The following PARD3 variants were observed in gnomAD, a reference collection of about 807,000 sequenced individuals.
PARD3 encodes par-3 family cell polarity regulator, also known as partitioning defective 3 homolog.
In PARD3, 75 loss-of-function variants were observed where a neutral mutation model predicts 155.4. That is an observed-to-expected ratio of 0.48 (90% CI 0.40 to 0.58). The LOEUF (loss-of-function observed/expected upper bound fraction) is 0.58, where lower values mean the gene tolerates loss of function less well. Ranked by LOEUF, PARD3 falls within the 20% of genes least tolerant of loss-of-function variation. The pLI, the probability that PARD3 is intolerant of heterozygous loss-of-function variation, is 0.00. For missense variants in PARD3, 1,642 were observed against 1,721.7 expected (o/e 0.95, Z 0.82); for synonymous variants, 576 against 610.5 (o/e 0.94, Z 0.83).
intron 2 of PARD3, among the ~76,000 whole-genome samples, chr10:34,527,594 T>C (rs557794568): frequency 1.8e-4 from 28 of 152,294 alleles, no homozygotes; most frequent in African/African-American, 6.5e-4. Context: ...AATTAAGATA[T>C]ATCAAACCCA....
chr10:34,769,829 C>A (rs1222754395), intron 1 of PARD3, among the ~76,000 whole-genome samples: 1 of 148,614 alleles, frequency 6.7e-6, no homozygotes, highest in Admixed American at 6.7e-5. Flanking sequence ...GAAAACCATA[C>A]CTAGTGTTCT....
chr10:34,770,195 C>G lies in PARD3; in HGVS notation c.120+44681G>C, dbSNP rs116042293. On this transcript the variant is annotated intron_variant, in intron 1 of 24. Transcript: ENST00000374788. Reference sequence around the variant, plus strand: ...CCTTCATGCTGTTTCAGTCACCATGCCCACACATCTGTCCTTCTATGAAGA... The same window carrying G: ...CCTTCATGCTGTTTCAGTCACCATGGCCACACATCTGTCCTTCTATGAAGA... Among the ~76,000 whole-genome samples the G allele has an allele frequency of 8.5e-3, 1,301 of 152,292 alleles. 19 individuals are homozygous for G. The highest frequency in any genetic ancestry group is 0.03 in the African/African-American group (1,236 of 41,548).
chr10:34,646,896 C>T (rs1441723521), intron 2 of PARD3, among the ~76,000 whole-genome samples: 1 of 152,120 alleles, frequency 6.6e-6, no homozygotes, highest in Non-Finnish European at 1.5e-5. Flanking sequence ...CCCTATATTG[C>T]CCAGGCTTGC....
chr10:34,626,054 AAC>A (rs1291211918), intron 2 of PARD3, among the ~76,000 whole-genome samples: 1 of 152,200 alleles, frequency 6.6e-6, no homozygotes, highest in Non-Finnish European at 1.5e-5. Flanking sequence ...CCCAGTAGTA[AAC>A]AGATTGCTAT....
At chr10:34,325,119 C>T (rs956858571) in intron 19 of PARD3, among the ~76,000 whole-genome samples, 2 of 152,086 alleles carry the variant, frequency 1.3e-5, no homozygotes, top group Admixed American at 1.3e-4. Flanking sequence ...AAGCAATTCT[C>T]ATGCCTCAGC....
Position 34,317,041 on chromosome 10 carries a change from A to G in PARD3, c.3065+66T>C, listed in dbSNP as rs150073611. 3.2e-4 allele frequency: 464 copies of G among 1,429,738 alleles called. 2 individuals are homozygous for G. In the East Asian group the frequency reaches 0.011, roughly 35 times the overall value. 88.6% of individuals were successfully genotyped at this position (1,429,738 alleles called of 1,614,324 possible). ...TGCACTACCGTGTCCAGTTTTTAGTACTTTTTGCTAAGCTCACACTCCTGT... is the reference window on the plus strand; with the variant it reads ...TGCACTACCGTGTCCAGTTTTTAGTGCTTTTTGCTAAGCTCACACTCCTGT... On this transcript the variant is annotated intron_variant, in intron 20 of 24. Coordinates refer to ENST00000374788, the MANE Select transcript of PARD3 (RefSeq NM_001184785.2).
intron 23 of PARD3, among the ~76,000 whole-genome samples, chr10:34,120,183 A>ATTTT (rs57670906): frequency 8.8e-6 from 1 of 113,686 alleles, no homozygotes. Flanking sequence ...TGCCTGGCTA[A>ATTTT]TTTTTTTTTT....
chr10:34,445,445 A>G (rs2076688827), intron 5 of PARD3, among the ~76,000 whole-genome samples: 1 of 152,204 alleles, frequency 6.6e-6, no homozygotes, highest in Non-Finnish European at 1.5e-5. Context: ...AGTTTCACTC[A>G]AATCAAATTT....
At position 34,743,170 on chromosome 10, in the gene PARD3, G is replaced by A. The variant is rs2095049471; in HGVS notation, c.121-46751C>T. Among the ~76,000 whole-genome samples the A allele has an allele frequency of 1.3e-5, 2 of 152,124 alleles. 1 individual carries two copies. The highest frequency in any genetic ancestry group is 1.3e-4 in the Admixed American group (2 of 15,274). On this transcript the variant is annotated intron_variant, in intron 1 of 24. Coordinates refer to ENST00000374788, the MANE Select transcript of PARD3 (RefSeq NM_001184785.2). ...AAACCAGAAAATCTCTAGGTTCCATGAAAATGTGTCCACAGAAAGAACCAA... is the reference window on the plus strand; with the variant it reads ...AAACCAGAAAATCTCTAGGTTCCATAAAAATGTGTCCACAGAAAGAACCAA...
At chr10:34,515,047 T>C (rs2081625864) in intron 3 of PARD3, among the ~76,000 whole-genome samples, 1 of 152,212 alleles carries the variant, frequency 6.6e-6, no homozygotes, top group Non-Finnish European at 1.5e-5. Context: ...TCTGAATACC[T>C]GAACTACTAT....
At position 34,624,004 on chromosome 10, in the gene PARD3, G is replaced by A. The variant is rs1465403723; in HGVS notation, c.222+72314C>T. On this transcript the variant is annotated intron_variant, in intron 2 of 24. Coordinates refer to ENST00000374788, the MANE Select transcript of PARD3 (RefSeq NM_001184785.2). ...CAAAAAAAAAAAAAAAAGTCAGCGC[G>A]CATGCAGCTGTCCTTGCTCTGCTGG... is the stretch of plus-strand genomic sequence containing the variant. Among the ~76,000 whole-genome samples the A allele has an allele frequency of 4.0e-5, 6 of 151,274 alleles. No homozygotes were observed. The East Asian group carries it at 7.8e-4, about 20-fold the overall frequency.
At chr10:34,600,332 G>A (rs749868028) in intron 2 of PARD3, among the ~76,000 whole-genome samples, 77 of 151,880 alleles carry the variant, frequency 5.1e-4, no homozygotes, top group Non-Finnish European at 2.2e-4. Context: ...GCGACAGAGC[G>A]AGACCCCGGT....
At chr10:34,222,552 G>A (rs1049581053) in intron 22 of PARD3, among the ~76,000 whole-genome samples, 2 of 152,250 alleles carry the variant, frequency 1.3e-5, no homozygotes, top group African/African-American at 4.8e-5. Flanking sequence ...AACCAGGATA[G>A]TAATAAATGG....
At chr10:34,331,739 C>T (rs1485922822) in intron 18 of PARD3, among the ~76,000 whole-genome samples, 1 of 146,734 alleles carries the variant, frequency 6.8e-6, no homozygotes, top group Non-Finnish European at 1.5e-5. Flanking sequence ...ATAAGCTTTG[C>T]ACTTAATTAA....
intron 1 of PARD3, among the ~76,000 whole-genome samples, chr10:34,697,399 A>C (rs1185614161): frequency 6.6e-6 from 1 of 152,200 alleles, no homozygotes; most frequent in Non-Finnish European, 1.5e-5. Context: ...GATTGGAAGA[A>C]GGAGGCTAAT....
chr10:34,219,905 C>A (rs1952191825), intron 22 of PARD3, among the ~76,000 whole-genome samples: 1 of 152,182 alleles, frequency 6.6e-6, no homozygotes, highest in South Asian at 2.1e-4. Context: ...GCTAGGCGAC[C>A]TCAAATGGCC....
chr10:34,431,236 C>A (rs574880488), intron 5 of PARD3, among the ~76,000 whole-genome samples: 1 of 152,110 alleles, frequency 6.6e-6, no homozygotes, highest in Non-Finnish European at 1.5e-5. Context: ...ATGTGAGCAT[C>A]AATACACATG....
At chr10:34,140,587 T>C (rs1018833618) in intron 22 of PARD3, among the ~76,000 whole-genome samples, 1 of 152,218 alleles carries the variant, frequency 6.6e-6, no homozygotes, top group Non-Finnish European at 1.5e-5. Flanking sequence ...ACTATGGCTC[T>C]ATCTCTCAGG....
intron 22 of PARD3, among the ~76,000 whole-genome samples, chr10:34,238,459 C>A (rs1111267): frequency 0.18 from 27,819 of 152,046 alleles, 3,073 homozygotes; most frequent in Non-Finnish European, 0.24. Context: ...GCTAGTTCCA[C>A]TTAAACAATA....
Sources: allele counts gnomAD v4.1 joint callset (sites outside exome capture counted in the v4.1 genomes callset), GRCh38; gene constraint gnomAD v4.1.1; transcripts MANE v1.5; gene names NCBI Gene and HGNC (gene_info 2026-07-23, HGNC 2026-07-21).